The following AGMO variants were observed in gnomAD, a reference collection of about 807,000 sequenced individuals.
AGMO encodes the protein glyceryl-ether monooxygenase.
A neutral mutation model predicts 60.2 loss-of-function variants in AGMO; 75 were observed. The ratio of observed to expected loss-of-function variants is 1.25; its 90% confidence interval spans 1.03 to 1.51. AGMO has a LOEUF of 1.51. Among genes scored for constraint, AGMO ranks in the 40% most tolerant of loss-of-function variants. The probability of loss-of-function intolerance (pLI) is 0.00; values close to 1 mark genes in which losing one functional copy is unlikely to be tolerated. For missense variants in AGMO, 763 were observed against 525.5 expected, an observed-to-expected ratio of 1.45 and a Z score of -4.42; for synonymous variants, 261 against 177.1, an observed-to-expected ratio of 1.47 and a Z score of -3.76.
intron 12 of AGMO, among the ~76,000 whole-genome samples, chr7:15,231,897 A>T (rs1782271097): frequency 6.6e-6 from 1 of 152,222 alleles, no homozygotes; most frequent in African/African-American, 2.4e-5. Context: ...ATAAAAAATA[A>T]TAAAGTAGTT....
chr7:15,413,745 GA>G (rs1438710253), intron 5 of AGMO, among the ~76,000 whole-genome samples: 1 of 151,918 alleles, frequency 6.6e-6, no homozygotes, highest in Non-Finnish European at 1.5e-5. Context: ...AAAAATTAAG[GA>G]AAACATGACA....
At chr7:15,202,575 C>T (rs1429819645) in intron 12 of AGMO, among the ~76,000 whole-genome samples, 1 of 150,098 alleles carries the variant, frequency 6.7e-6, no homozygotes, top group Admixed American at 6.7e-5. Flanking sequence ...AACCATCATC[C>T]TTCACATTAG....
intron 12 of AGMO, among the ~76,000 whole-genome samples, chr7:15,297,270 A>T (rs943909283): frequency 9.9e-5 from 15 of 152,198 alleles, no homozygotes; most frequent in Non-Finnish European, 1.8e-4. Flanking sequence ...ACTGTAAAAA[A>T]TGTAGAGCAG....
intron 12 of AGMO, among the ~76,000 whole-genome samples, chr7:15,243,472 ATC>A (rs1399259695): frequency 6.6e-6 from 1 of 152,072 alleles, no homozygotes; most frequent in African/African-American, 2.4e-5. Flanking sequence ...AATTGGAAGA[ATC>A]TCTGTTTTTC....
chr7:15,374,957 C>G (rs1272289302), intron 10 of AGMO, among the ~76,000 whole-genome samples: 1 of 152,094 alleles, frequency 6.6e-6, no homozygotes, highest in Non-Finnish European at 1.5e-5. Flanking sequence ...AAAAAAGGAT[C>G]AGAGTTACAA....
At chr7:15,338,657 T>C (rs1781738211) in intron 12 of AGMO, among the ~76,000 whole-genome samples, 1 of 152,104 alleles carries the variant, frequency 6.6e-6, no homozygotes, top group African/African-American at 2.4e-5. Context: ...TTTATCACTG[T>C]GCAAAGGGAG....
chr7:15,493,924 G>A (rs925411658), intron 3 of AGMO, among the ~76,000 whole-genome samples: 14 of 152,214 alleles, frequency 9.2e-5, no homozygotes, highest in East Asian at 5.8e-4. Context: ...TGATATATGC[G>A]TGCAATGTGT....
chr7:15,478,310 G>C (rs892228758), intron 3 of AGMO, among the ~76,000 whole-genome samples: 1 of 152,100 alleles, frequency 6.6e-6, no homozygotes, highest in African/African-American at 2.4e-5. Flanking sequence ...CCTTTAACTT[G>C]TTTGTCTATG....
intron 5 of AGMO, among the ~76,000 whole-genome samples, chr7:15,394,550 G>C (rs1046979197): frequency 2.0e-5 from 3 of 152,108 alleles, no homozygotes; most frequent in African/African-American, 7.2e-5. Flanking sequence ...GTTGTTCTGA[G>C]GATTATGAAT....
intron 4 of AGMO, among the ~76,000 whole-genome samples, chr7:15,419,503 A>G (rs1457485385): frequency 6.6e-6 from 1 of 152,012 alleles, no homozygotes; most frequent in African/African-American, 2.4e-5. Flanking sequence ...GATGTTTTAA[A>G]AATATTTCTT....
intron 12 of AGMO, among the ~76,000 whole-genome samples, chr7:15,338,975 C>G (rs1414761209): frequency 2.0e-5 from 3 of 152,092 alleles, no homozygotes; most frequent in African/African-American, 7.2e-5. Flanking sequence ...TTATACCTAG[C>G]TAAACAGTAG....
chr7:15,369,649 CAT>C (rs1489514479), intron 10 of AGMO, among the ~76,000 whole-genome samples: 53 of 152,226 alleles, frequency 3.5e-4, no homozygotes, highest in Non-Finnish European at 1.9e-4. Flanking sequence ...TATTGCTCTT[CAT>C]ATGATTTTCC....
At chr7:15,447,017 T>C (rs1394007878) in intron 3 of AGMO, among the ~76,000 whole-genome samples, 1 of 152,212 alleles carries the variant, frequency 6.6e-6, no homozygotes, top group Non-Finnish European at 1.5e-5. Context: ...CTCTTAGTAG[T>C]TGGACACTGA....
At chr7:15,288,854 A>T (rs971330742) in intron 12 of AGMO, among the ~76,000 whole-genome samples, 30 of 128,764 alleles carry the variant, frequency 2.3e-4, no homozygotes, top group Admixed American at 3.7e-4. Context: ...TAAAAAATAA[A>T]AAAAAAAAAA....
chr7:15,197,445 T>C (rs541586349), downstream of AGMO, among the ~76,000 whole-genome samples: 1 of 152,342 alleles, frequency 6.6e-6, no homozygotes, highest in African/African-American at 2.4e-5. Flanking sequence ...TTATATACTT[T>C]AGCAACTAAT....
At chr7:15,134,245 C>G in the AGMO span, among the ~76,000 whole-genome samples, 2 of 152,150 alleles carry the variant, frequency 1.3e-5, no homozygotes, top group East Asian at 3.9e-4. Flanking sequence ...TCACTGCAAC[C>G]TCCACCTACT....
In AGMO at chr7:15,394,187, A is replaced by C. The variant is rs371785266; in HGVS notation, c.610-8T>G. The C allele has an allele frequency of 3.6e-5, 57 of 1,574,968 alleles. 1 individual carries two copies. In the African/African-American group the frequency reaches 5.9e-4, roughly 16 times the overall value. On this transcript the variant is annotated splice_polypyrimidine_tract_variant and splice_region_variant and intron_variant, in intron 5 of 12. Coordinates refer to ENST00000342526, the MANE Select transcript of AGMO (RefSeq NM_001004320.2). ...ACCAAGGTTATTGATGACCTGTTTA[A>C]AACAGAAGGAATATTTATACATGTA...
chr7:15,182,427 T>C, the AGMO span, among the ~76,000 whole-genome samples: 127 of 152,316 alleles, frequency 8.3e-4, no homozygotes, highest in African/African-American at 2.7e-3. Flanking sequence ...TTATTTATTA[T>C]TTTATTTGAG....
In AGMO at chr7:15,234,936, C is replaced by G. The variant is rs114036467; in HGVS notation, c.1264-33577G>C. 1.6e-3 allele frequency among the ~76,000 whole-genome samples: 244 copies of G among 152,214 alleles called. 1 individual carries two copies. The highest frequency in any genetic ancestry group is 5.5e-3 in the African/African-American group (229 of 41,548). On this transcript the variant is annotated intron_variant, in intron 12 of 12. Coordinates refer to ENST00000342526, the MANE Select transcript of AGMO (RefSeq NM_001004320.2). Reference sequence around the variant, plus strand: ...CAACATAAATTTATAAAGATCTGGTCTCTCCCTACTTTTTCCGTTTTAGCT... The same window carrying G: ...CAACATAAATTTATAAAGATCTGGTGTCTCCCTACTTTTTCCGTTTTAGCT...
Sources: gnomAD v4.1 joint callset for allele counts (sites outside exome capture counted in the v4.1 genomes callset) on GRCh38, gnomAD v4.1.1 for gene constraint, MANE v1.5 for transcripts, NCBI Gene and HGNC (gene_info 2026-07-23, HGNC 2026-07-21) for gene names.